Variants in GOLPH3 observed in about 807,000 individuals in gnomAD.
GOLPH3 encodes coat protein GPP34.
Under a neutral mutation model 28.5 loss-of-function variants are expected in GOLPH3, and 14 were observed. The ratio of observed to expected loss-of-function variants is 0.49; its 90% CI spans 0.32 to 0.77. GOLPH3 has a LOEUF of 0.77. Among genes scored for constraint, GOLPH3 ranks in the 30% least tolerant of loss-of-function variants. The probability of loss-of-function intolerance (pLI) is 0.03; values close to 1 mark genes in which losing one functional copy is unlikely to be tolerated. For synonymous variants in GOLPH3, 158 were observed against 159.2 expected (o/e 0.99, Z 0.06); for missense variants, 350 against 393.7 (o/e 0.89, Z 0.94).
chr5:32,165,030 G>A (rs537468562), intron 1 of GOLPH3, among the ~76,000 whole-genome samples: 2 of 151,064 alleles, frequency 1.3e-5, no homozygotes, highest in South Asian at 4.2e-4. Context: ...CTCCCGAGTA[G>A]CTGGGATTTC....
chr5:32,155,955 T>A (rs1422970934), intron 1 of GOLPH3, among the ~76,000 whole-genome samples: 3 of 25,330 alleles, frequency 1.2e-4, no homozygotes, highest in Non-Finnish European at 2.0e-4. Context: ...AAACACTGTC[T>A]CAAAAAAAAA....
intron 3 of GOLPH3, among the ~76,000 whole-genome samples, chr5:32,128,720 G>A (rs1181931734): frequency 6.6e-6 from 1 of 151,828 alleles, no homozygotes; most frequent in East Asian, 1.9e-4. Flanking sequence ...TAACTTAGCT[G>A]CCTACCAAGA....
intron 1 of GOLPH3, among the ~76,000 whole-genome samples, chr5:32,165,410 T>C (rs925714366): frequency 5.1e-4 from 77 of 152,034 alleles, no homozygotes; most frequent in Admixed American, 5.0e-3. Flanking sequence ...TGGCGAAACC[T>C]TGTCTCTACT....
At chr5:32,156,829 G>A (rs1746440794) in intron 1 of GOLPH3, among the ~76,000 whole-genome samples, 1 of 152,210 alleles carries the variant, frequency 6.6e-6, no homozygotes. Flanking sequence ...CTCACCTCCT[G>A]CTGTGCAACC....
intron 1 of GOLPH3, among the ~76,000 whole-genome samples, chr5:32,152,287 C>T (rs1412965896): frequency 1.3e-5 from 2 of 151,556 alleles, no homozygotes; most frequent in African/African-American, 2.4e-5. Flanking sequence ...CCACCATGCC[C>T]GGCTAATTAT....
intron 1 of GOLPH3, among the ~76,000 whole-genome samples, chr5:32,153,183 T>A (rs1746349103): frequency 6.6e-6 from 1 of 152,122 alleles, no homozygotes; most frequent in Non-Finnish European, 1.5e-5. Flanking sequence ...AGAACAATCT[T>A]TAGAATATAA....
intron 3 of GOLPH3, among the ~76,000 whole-genome samples, chr5:32,131,234 T>C (rs574249733): frequency 6.6e-6 from 1 of 152,334 alleles, no homozygotes; most frequent in East Asian, 1.9e-4. Context: ...ATATCCCAAA[T>C]GTTGTTTAAT....
At chr5:32,147,260 A>C (rs1746197766) in intron 1 of GOLPH3, among the ~76,000 whole-genome samples, 1 of 152,246 alleles carries the variant, frequency 6.6e-6, no homozygotes, top group East Asian at 1.9e-4. Context: ...AGCACTTCCC[A>C]AACTTTCCTG....
At chr5:32,138,602 T>G (rs1198149056) in intron 2 of GOLPH3, among the ~76,000 whole-genome samples, 10 of 152,208 alleles carry the variant, frequency 6.6e-5, no homozygotes, top group African/African-American at 2.2e-4. Context: ...ATATTTTGAT[T>G]TAACCAAATA....
Position 32,125,424 on chromosome 5 carries a change from G to T in GOLPH3, c.*788C>A, listed in dbSNP as rs912012933. 1 of 152,634 alleles carries T rather than the reference G, an allele frequency of 6.6e-6. No homozygotes were observed. The highest frequency in any genetic ancestry group is 1.5e-5 in the Non-Finnish European group (1 of 68,036). The allele number at this position is 152,634 out of a possible 1,614,324, so 9.5% of individuals were successfully genotyped here. A position where few individuals can be genotyped will look rare whatever the true frequency, so the allele number is the denominator to read the frequency against. On this transcript the variant is annotated 3_prime_UTR_variant, in exon 4 of 4. Transcript: ENST00000265070. ...CTCTCTCCTTCAGCGACAAGAGGTC[G>T]ATTTTGCCATCAAATAACCATGATT...
At chr5:32,140,584 G>C (rs1012648367) in intron 2 of GOLPH3, among the ~76,000 whole-genome samples, 1 of 151,348 alleles carries the variant, frequency 6.6e-6, no homozygotes, top group Non-Finnish European at 1.5e-5. Context: ...GCTTGAGGCT[G>C]ATAGGGAGGC....
At chr5:32,142,750 C>T (rs1268509804) in intron 2 of GOLPH3, among the ~76,000 whole-genome samples, 2 of 146,100 alleles carry the variant, frequency 1.4e-5, no homozygotes, top group African/African-American at 2.6e-5. Flanking sequence ...AGGTGAGGGG[C>T]GCCTCTGCCC....
chr5:32,156,371 T>C (rs1282113863), intron 1 of GOLPH3, among the ~76,000 whole-genome samples: 1 of 151,606 alleles, frequency 6.6e-6, no homozygotes, highest in African/African-American at 2.4e-5. Flanking sequence ...GGTATGGTAG[T>C]GTGCACCTGT....
intron 3 of GOLPH3, among the ~76,000 whole-genome samples, chr5:32,129,164 A>AG (rs1745768538): frequency 6.6e-6 from 1 of 152,172 alleles, no homozygotes; most frequent in Admixed American, 6.5e-5. Context: ...CCTGGGTGAC[A>AG]AGCACAAGAC....
Position 32,136,255 on chromosome 5 carries a change from G to A in GOLPH3, c.358-569C>T, listed in dbSNP as rs1269467058. ...AGCACCTTGGGAGGCCGAGGCGGGT[G>A]GATCACCTGAGGTCAGGAGTTCAAG... On this transcript the variant is annotated intron_variant, in intron 2 of 3. Transcript: ENST00000265070. Among the ~76,000 whole-genome samples the A allele has an allele frequency of 1.2e-4, 18 of 152,050 alleles. 1 individual carries two copies.
At chr5:32,169,158 T>C (rs1031617477) in intron 1 of GOLPH3, among the ~76,000 whole-genome samples, 19 of 151,184 alleles carry the variant, frequency 1.3e-4, no homozygotes, top group Admixed American at 9.9e-4. Flanking sequence ...GGTGTGTGCC[T>C]GTGGTCCTAG....
intron 2 of GOLPH3, among the ~76,000 whole-genome samples, chr5:32,137,909 G>T (rs75407104): frequency 5.5e-4 from 79 of 143,140 alleles, no homozygotes; most frequent in African/African-American, 7.0e-4. Context: ...GGTTTTTTTT[G>T]TTTTTTTTTT....
chr5:32,139,958 G>A lies in GOLPH3; in HGVS notation c.357+3791C>T, dbSNP rs192279967. On this transcript the variant is annotated intron_variant, in intron 2 of 3. Transcript: ENST00000265070. The stretch of plus-strand genomic sequence containing the variant: ...GTCACAATAAAATCTCAACAGAAAG[G>A]TTAGAAGACAACTCTTTAAGAGTAG... Among the ~76,000 whole-genome samples, 66 of 152,190 alleles carry A rather than the reference G, an allele frequency of 4.3e-4. 1 individual carries two copies. Among genetic ancestry groups the A allele is most frequent in the African/African-American group, 1.5e-3 (63 of 41,532 alleles).
chr5:32,164,728 C>A (rs1746668056), intron 1 of GOLPH3, among the ~76,000 whole-genome samples: 1 of 151,946 alleles, frequency 6.6e-6, no homozygotes, highest in East Asian at 1.9e-4. Context: ...ACGCCCAGAA[C>A]CAAGTTTCAC....
Sources: allele counts gnomAD v4.1 joint callset (sites outside exome capture counted in the v4.1 genomes callset), GRCh38; gene constraint gnomAD v4.1.1; transcripts MANE v1.5; gene names NCBI Gene and HGNC (gene_info 2026-07-23, HGNC 2026-07-21).